The following MLXIP variants were observed in gnomAD, a reference collection of about 807,000 sequenced individuals.
The protein encoded by MLXIP is MLX interacting protein, also known as MLX-interacting protein.
Under a neutral mutation model 87.2 loss-of-function variants are expected in MLXIP, and 30 were observed. The observed-to-expected ratio is 0.34, with a 90% CI of 0.26 to 0.47. MLXIP has a LOEUF of 0.47. Ranked by LOEUF, MLXIP falls within the 20% of genes least tolerant of loss-of-function variation. The pLI is 1.00. For synonymous variants in MLXIP, 530 were observed against 514.0 expected, an observed-to-expected ratio of 1.03 and a Z score of -0.42; for missense variants, 1,002 against 1,240.1, an observed-to-expected ratio of 0.81 and a Z score of 2.88.
At chr12:122,127,419 C>A in intron 2 of MLXIP, 57 bp downstream of exon 2, 1 of 1,301,680 alleles carries the variant, frequency 7.7e-7, no homozygotes, top group South Asian at 1.4e-5. Context: ...GCCTGGAGGC[C>A]TGGGCACCCA....
rs1952670896 is a variant in MLXIP, at chr12:122,115,206, C to G, written c.414-12050C>G. Among the ~76,000 whole-genome samples the G allele has an allele frequency of 1.3e-5, 2 of 151,966 alleles. 1 individual carries two copies. The highest frequency in any genetic ancestry group is 4.1e-4 in the South Asian group (2 of 4,822). On this transcript the variant is annotated intron_variant, in intron 1 of 16. Transcript: ENST00000319080. ...TAGATATATATTTTAATCAATAAAACTACAAAAGCTTAAAAGATAAAAGTG... is the reference window on the plus strand; with the variant it reads ...TAGATATATATTTTAATCAATAAAAGTACAAAAGCTTAAAAGATAAAAGTG...
Position 122,135,732 on chromosome 12 carries a change from A to G in MLXIP, c.2032+66A>G. On this transcript the variant is annotated intron_variant, in intron 11 of 16. Transcript: ENST00000319080. This position sits in a 1 kb window ranked among gnomAD's most constrained non-coding sequence, Gnocchi z 5.3. ...GAAGTAACTGGGCCTGCCGTAGACC[A>G]TGGGGGGTGCTTGCTGGGTCCCCAG... The G allele has an allele frequency of 9.1e-6, 13 of 1,433,628 alleles. No homozygotes were observed. Among genetic ancestry groups the G allele is most frequent in the Non-Finnish European group, 1.2e-5 (13 of 1,096,412 alleles). 88.8% of individuals were successfully genotyped at this position (1,433,628 alleles called of 1,614,324 possible). A position where few individuals can be genotyped will look rare whatever the true frequency, so the allele number is the denominator to read the frequency against.
chr12:122,078,895 C>A lies in MLXIP; in HGVS notation c.42C>A (p.Arg14=). ...DVFMCSPRRP[R]SRGRQVLLKP... is the part of the protein sequence containing the mutation. ...TCATGTGCTCCCCGCGCCGGCCTCG[C>A]AGCCGGGGCCGCCAGGTGCTGCTCA... Residue 14 remains arginine, a synonymous_variant, in exon 1 of 17, where the codon CGC becomes CGA. Coordinates refer to ENST00000319080, the MANE Select transcript of MLXIP (RefSeq NM_014938.6). 2.6e-6 allele frequency: 3 copies of A among 1,144,622 alleles called. No homozygotes were observed. 70.9% of individuals were successfully genotyped at this position (1,144,622 alleles called of 1,614,324 possible).
intron 1 of MLXIP, among the ~76,000 whole-genome samples, chr12:122,094,940 G>C (rs1269916541): frequency 1.4e-5 from 2 of 148,050 alleles, no homozygotes; most frequent in Admixed American, 6.7e-5. Context: ...GTGTGTGATT[G>C]TGTGGTGTAT....
intron 1 of MLXIP, among the ~76,000 whole-genome samples, chr12:122,121,919 A>G (rs1438894000): frequency 2.0e-5 from 3 of 152,178 alleles, no homozygotes; most frequent in Non-Finnish European, 2.9e-5. Flanking sequence ...CTTCATGGAA[A>G]ATTTAGCATT....
chr12:122,145,569 C>G lies in MLXIP; in HGVS notation c.*3757C>G, dbSNP rs1054939984. 6.6e-6 allele frequency: 1 copy of G among 152,348 alleles called. No individual in the cohort carries two copies. The highest frequency in any genetic ancestry group is 2.4e-5 in the African/African-American group (1 of 41,452). The allele number at this position is 152,348 out of a possible 1,614,324, so 9.4% of individuals were successfully genotyped here. On this transcript the variant is annotated 3_prime_UTR_variant, in exon 17 of 17. Transcript: ENST00000319080. ...GCAGCTGGGGTGCAGGTAAGGGTCT[C>G]TCTCATAGAGGGGAGCTGCAGCTGA...
At chr12:122,141,617 T>G (rs931843814) in intron 16 of MLXIP, 74 bp from the exon 17 acceptor site, 1 of 1,571,088 alleles carries the variant, frequency 6.4e-7, no homozygotes, top group African/African-American at 1.3e-5. Context: ...ACATGGGTTG[T>G]AGGTACAAAG....
chr12:122,109,423 C>T (rs1565969545), intron 1 of MLXIP, among the ~76,000 whole-genome samples: 1 of 151,714 alleles, frequency 6.6e-6, no homozygotes, highest in Admixed American at 6.6e-5. Context: ...AGGCTGGTCT[C>T]GAACTCCTGG....
chr12:122,110,238 A>T (rs1952583180), intron 1 of MLXIP, among the ~76,000 whole-genome samples: 1 of 152,116 alleles, frequency 6.6e-6, no homozygotes, highest in South Asian at 2.1e-4. Flanking sequence ...GGATTGCTTG[A>T]GGTCAGGAGT....
intron 1 of MLXIP, among the ~76,000 whole-genome samples, chr12:122,083,189 C>CT (rs1481034111): frequency 6.6e-6 from 1 of 152,038 alleles, no homozygotes; most frequent in African/African-American, 2.4e-5. Flanking sequence ...ATTTCTTTGC[C>CT]TTTTTAGAAA....
intron 1 of MLXIP, among the ~76,000 whole-genome samples, chr12:122,087,455 T>C (rs1952185285): frequency 6.6e-6 from 1 of 151,992 alleles, no homozygotes; most frequent in Non-Finnish European, 1.5e-5. Flanking sequence ...AGGTGACCTT[T>C]CTGGGTGAAC....
In MLXIP at chr12:122,133,266, A is replaced by G. The variant is rs1953012501; in HGVS notation, c.1093-82A>G. 1.4e-6 allele frequency: 2 copies of G among 1,466,638 alleles called. No individual in the cohort carries two copies. Among genetic ancestry groups the G allele is most frequent in the African/African-American group, 2.8e-5 (2 of 70,826 alleles). The allele number at this position is 1,466,638 out of a possible 1,614,324, so 90.9% of individuals were successfully genotyped here. A position where few individuals can be genotyped will look rare whatever the true frequency, so the allele number is the denominator to read the frequency against. ...CTCTGTCCCAGCGCCCGGCCTGTGTAGTTGGACTTGGCAGTGTGCAGCGCT... is the reference window on the plus strand; with the variant it reads ...CTCTGTCCCAGCGCCCGGCCTGTGTGGTTGGACTTGGCAGTGTGCAGCGCT... On this transcript the variant is annotated intron_variant, in intron 8 of 16. Coordinates refer to ENST00000319080, the MANE Select transcript of MLXIP (RefSeq NM_014938.6). This position sits in a 1 kb window ranked among gnomAD's most constrained non-coding sequence, Gnocchi z 4.9.
intron 1 of MLXIP, among the ~76,000 whole-genome samples, chr12:122,121,028 T>TTTTTTTTTTA (rs1952774848): frequency 7.4e-6 from 1 of 134,662 alleles, no homozygotes; most frequent in Non-Finnish European, 1.6e-5. Context: ...TTTTTTTTTT[T>TTTTTTTTTTA]GAAACGGTGT....
At chr12:122,095,750 A>G (rs1168944033) in intron 1 of MLXIP, among the ~76,000 whole-genome samples, 1 of 152,064 alleles carries the variant, frequency 6.6e-6, no homozygotes, top group African/African-American at 2.4e-5. Flanking sequence ...AAAGAAATAA[A>G]AATTACAACA....
In MLXIP at chr12:122,120,416, G is replaced by A. The variant is rs544439065; in HGVS notation, c.414-6840G>A. 2.6e-5 allele frequency among the ~76,000 whole-genome samples: 4 copies of A among 152,094 alleles called. No homozygotes were observed. The South Asian group carries it at 8.3e-4, about 32-fold the overall frequency. On this transcript the variant is annotated intron_variant, in intron 1 of 16. Transcript: ENST00000319080. ...TTTCTGATTTTTTGTGGAGATGGTG[G>A]TCTCTCACTACGTTACCCAGACCAG...
At chr12:122,119,681 G>A (rs114704951) in intron 1 of MLXIP, among the ~76,000 whole-genome samples, 2,969 of 152,320 alleles carry the variant, frequency 0.019, 102 homozygotes, top group African/African-American at 0.069. Flanking sequence ...GTGAGCCACC[G>A]CGCCTGGCGA....
Position 122,137,640 on chromosome 12 carries a change from AG to A in MLXIP, c.2154+52del. 1 of 1,585,546 alleles carries A rather than the reference AG, an allele frequency of 6.3e-7. No homozygotes were observed. Among genetic ancestry groups the A allele is most frequent in the Non-Finnish European group, 8.6e-7 (1 of 1,167,104 alleles). On this transcript the variant is annotated intron_variant, in intron 12 of 16. Transcript: ENST00000319080. This position sits in a 1 kb window ranked among gnomAD's most constrained non-coding sequence, Gnocchi z 4.1. ...CCTTGGGAGGAGGGGAGAGGAGTGC[AG>A]GACATCAAGGATCTGTGTCTTGTCT...
intron 3 of MLXIP, 69 bp downstream of exon 3, chr12:122,128,037 G>A (rs962718108): frequency 5.5e-5 from 75 of 1,367,520 alleles, no homozygotes; most frequent in African/African-American, 1.6e-4. Context: ...GTGGCTCACC[G>A]CGGGCTGGTC....
chr12:122,080,604 C>T (rs778055092), intron 1 of MLXIP, among the ~76,000 whole-genome samples: 2 of 152,202 alleles, frequency 1.3e-5, no homozygotes, highest in Non-Finnish European at 2.9e-5. Flanking sequence ...CCCTGATGAT[C>T]TGTTCCCGTA....
Sources: gnomAD v4.1 joint callset for allele counts (sites outside exome capture counted in the v4.1 genomes callset) on GRCh38, gnomAD v4.1.1 for gene constraint, Gnocchi (gnomAD v3.1) non-coding constraint, MANE v1.5 for transcripts, NCBI Gene and HGNC (gene_info 2026-07-23, HGNC 2026-07-21) for gene names.